Variants in LUZP2 observed in about 807,000 individuals in gnomAD.
The protein encoded by LUZP2 is leucine zipper protein 2.
In LUZP2, 52 loss-of-function variants were observed where a neutral mutation model predicts 51.6. The ratio of observed to expected loss-of-function variants is 1.01; its 90% confidence interval spans 0.81 to 1.27. The LOEUF (loss-of-function observed/expected upper bound fraction) is 1.27. Among genes scored for constraint, LUZP2 ranks in the 50% most tolerant of loss-of-function variants. The pLI is 0.00. For missense variants in LUZP2, 436 were observed against 395.4 expected (o/e 1.10, Z -0.87); for synonymous variants, 154 against 137.3 (o/e 1.12, Z -0.85).
chr11:25,027,312 C>G (rs1018441676), intron 9 of LUZP2, among the ~76,000 whole-genome samples: 1 of 152,010 alleles, frequency 6.6e-6, no homozygotes. Context: ...TGCTAATATT[C>G]TATTTCTCAT....
chr11:24,538,602 ACTATT>A (rs1851254800), intron 1 of LUZP2, among the ~76,000 whole-genome samples: 4 of 151,452 alleles, frequency 2.6e-5, no homozygotes, highest in African/African-American at 9.7e-5. Flanking sequence ...TTTCTACAAA[ACTATT>A]CTACAAAATA....
At chr11:24,513,743 A>G (rs1218081771) in intron 1 of LUZP2, among the ~76,000 whole-genome samples, 1 of 152,172 alleles carries the variant, frequency 6.6e-6, no homozygotes, top group Admixed American at 6.5e-5. Context: ...TTCCATTAAT[A>G]CCAAACAATC....
intron 1 of LUZP2, among the ~76,000 whole-genome samples, chr11:24,647,318 A>C (rs1021499467): frequency 6.6e-6 from 1 of 151,958 alleles, no homozygotes; most frequent in African/African-American, 2.4e-5. Context: ...GTATTAATAA[A>C]ATTTATACAG....
At position 24,545,555 on chromosome 11, in the gene LUZP2, C is replaced by CTTTTT. The variant is rs3992984; in HGVS notation, c.62+48263_62+48267dup. Among the ~76,000 whole-genome samples the CTTTTT allele has an allele frequency of 3.5e-3, 428 of 120,766 alleles. 17 individuals carry two copies. Among genetic ancestry groups the CTTTTT allele is most frequent in the Middle Eastern group, 0.016 (3 of 184 alleles). 79.2% of individuals were successfully genotyped at this position (120,766 alleles called of 152,430 possible). The stretch of plus-strand genomic sequence containing the variant: ...TGGGGAGTCCTTTCATTGTTGCTTG[C>CTTTTT]TTTTTTTTTTTTTTTTTGACAGCTT... On this transcript the variant is annotated intron_variant, in intron 1 of 11. Coordinates refer to ENST00000336930, the MANE Select transcript of LUZP2 (RefSeq NM_001009909.4).
intron 5 of LUZP2, among the ~76,000 whole-genome samples, chr11:24,840,337 A>G (rs902668515): frequency 1.3e-5 from 2 of 151,908 alleles, no homozygotes; most frequent in African/African-American, 2.4e-5. Flanking sequence ...ATAGCCTTAT[A>G]TAGGAAACAT....
intron 9 of LUZP2, among the ~76,000 whole-genome samples, chr11:25,025,027 G>C (rs552833918): frequency 9.9e-5 from 15 of 151,958 alleles, no homozygotes; most frequent in African/African-American, 2.9e-4. Flanking sequence ...ACAAACCTGA[G>C]AAAAACAAGC....
At chr11:24,760,778 A>G (rs2134027653) in intron 4 of LUZP2, among the ~76,000 whole-genome samples, 1 of 152,298 alleles carries the variant, frequency 6.6e-6, no homozygotes, top group South Asian at 2.1e-4. Flanking sequence ...GCAGCTCTTG[A>G]AGATGTCAGA....
At position 25,069,274 on chromosome 11, in the gene LUZP2, G is replaced by A. The variant is rs143492034; in HGVS notation, c.859-8055G>A. On this transcript the variant is annotated intron_variant, in intron 10 of 11. Transcript: ENST00000336930. ...AAGAGACTTTGCCTCAGTTGCAACA[G>A]CAATAACTTTATGACCTTGAGGATG... 5.4e-3 allele frequency among the ~76,000 whole-genome samples: 818 copies of A among 151,972 alleles called. 8 individuals are homozygous for A. The highest frequency in any genetic ancestry group is 0.019 in the African/African-American group (777 of 41,504).
Position 24,601,920 on chromosome 11 carries a change from GTATA to G in LUZP2, c.62+104621_62+104624del, listed in dbSNP as rs760256861. On this transcript the variant is annotated intron_variant, in intron 1 of 11. Coordinates refer to ENST00000336930, the MANE Select transcript of LUZP2 (RefSeq NM_001009909.4). ...TGTATATATGTATATATGTATATAT[GTATA>G]TATATGTATATATGTATATATGTAT... Among the ~76,000 whole-genome samples, 24 of 71,770 alleles carry G rather than the reference GTATA, an allele frequency of 3.3e-4. 1 individual carries two copies. The highest frequency in any genetic ancestry group is 4.8e-4 in the African/African-American group (7 of 14,562). 47.1% of individuals were successfully genotyped at this position (71,770 alleles called of 152,430 possible).
At position 24,769,966 on chromosome 11, in the gene LUZP2, G is replaced by A. The variant is rs1375190118; in HGVS notation, c.396+6658G>A. 2.0e-5 allele frequency among the ~76,000 whole-genome samples: 3 copies of A among 152,050 alleles called. No homozygotes were observed. In the East Asian group the frequency reaches 5.8e-4, roughly 29 times the overall value. On this transcript the variant is annotated intron_variant, in intron 5 of 11. Transcript: ENST00000336930. ...CACCAGCACCCCCGGCTAAATTTTT[G>A]TATTTTCAGTAGAGATGAGGTTTTG...
intron 5 of LUZP2, among the ~76,000 whole-genome samples, chr11:24,855,478 A>G (rs1215529463): frequency 6.6e-6 from 1 of 152,222 alleles, no homozygotes; most frequent in Non-Finnish European, 1.5e-5. Flanking sequence ...TATGCAAACT[A>G]ATGGAAAAGT....
chr11:24,929,491 G>A (rs1275519037), intron 7 of LUZP2, among the ~76,000 whole-genome samples: 1 of 152,074 alleles, frequency 6.6e-6, no homozygotes, highest in African/African-American at 2.4e-5. Flanking sequence ...GATCATTGAG[G>A]AGTAGGTTAT....
At chr11:24,665,626 A>T (rs1367747823) in intron 1 of LUZP2, among the ~76,000 whole-genome samples, 1 of 152,128 alleles carries the variant, frequency 6.6e-6, no homozygotes, top group East Asian at 1.9e-4. Context: ...TGCTATTCTC[A>T]TGCTAGTAAA....
chr11:25,027,316 T>C (rs2133984144), intron 9 of LUZP2, among the ~76,000 whole-genome samples: 1 of 152,260 alleles, frequency 6.6e-6, no homozygotes, highest in African/African-American at 2.4e-5. Flanking sequence ...AATATTCTAT[T>C]TCTCATGATT....
intron 1 of LUZP2, among the ~76,000 whole-genome samples, chr11:24,519,331 A>C (rs1040481412): frequency 2.6e-5 from 4 of 152,136 alleles, no homozygotes; most frequent in Non-Finnish European, 5.9e-5. Flanking sequence ...CCTGTACTTG[A>C]ATGGAGAATA....
At chr11:24,593,335 T>A (rs978299319) in intron 1 of LUZP2, among the ~76,000 whole-genome samples, 1 of 152,162 alleles carries the variant, frequency 6.6e-6, no homozygotes, top group African/African-American at 2.4e-5. Flanking sequence ...TGGCAAACTT[T>A]CCCAACAATA....
chr11:24,722,168 G>A (rs1222391288), intron 1 of LUZP2, among the ~76,000 whole-genome samples: 3 of 152,176 alleles, frequency 2.0e-5, no homozygotes, highest in Admixed American at 2.0e-4. Context: ...TAGTAAGCCA[G>A]CTTACATTTC....
At chr11:24,998,533 G>T (rs1223397604) in intron 9 of LUZP2, among the ~76,000 whole-genome samples, 1 of 152,128 alleles carries the variant, frequency 6.6e-6, no homozygotes, top group East Asian at 1.9e-4. Context: ...AGACAATGGG[G>T]TTTTTCTCGT....
intron 7 of LUZP2, among the ~76,000 whole-genome samples, chr11:24,930,865 CT>C (rs1389798135): frequency 6.6e-6 from 1 of 152,098 alleles, no homozygotes; most frequent in Non-Finnish European, 1.5e-5. Context: ...ACTAATTATT[CT>C]TAGGTTTGGT....
Sources: gnomAD v4.1 joint callset for allele counts (sites outside exome capture counted in the v4.1 genomes callset) on GRCh38, gnomAD v4.1.1 for gene constraint, MANE v1.5 for transcripts, NCBI Gene and HGNC (gene_info 2026-07-23, HGNC 2026-07-21) for gene names.